Variants in ARHGAP29 observed in about 807,000 individuals in gnomAD.
ARHGAP29 encodes rho GTPase-activating protein 29.
ARHGAP29 carries 43 observed loss-of-function variants against 122.6 expected under a neutral mutation model. That is an observed-to-expected ratio of 0.35 (90% CI 0.27 to 0.45). ARHGAP29 has a LOEUF of 0.45. Among genes scored for constraint, ARHGAP29 ranks in the 20% least tolerant of loss-of-function variants. The pLI is 1.00. For synonymous variants in ARHGAP29, 506 were observed against 497.1 expected (o/e 1.02, Z -0.24); for missense variants, 1,303 against 1,477.2 (o/e 0.88, Z 1.93).
At chr1:94,277,447 C>T (rs1232758953), upstream of ARHGAP29, among the ~76,000 whole-genome samples, 2 of 152,160 alleles carry the variant, frequency 1.3e-5, no homozygotes, top group Admixed American at 1.3e-4. Context: ...TTCCACATTA[C>T]TGCTCAAGGT....
intron 1 of ARHGAP29, 79 bp from the exon 2 acceptor site, chr1:94,231,722 T>C (rs973755037): frequency 2.8e-6 from 3 of 1,064,490 alleles, no homozygotes; most frequent in Non-Finnish European, 4.1e-6. Context: ...CAGGGAAATA[T>C]TACACTAGAT....
chr1:94,192,295 C>A (rs1650174913), intron 12 of ARHGAP29: 1 of 152,148 alleles, frequency 6.6e-6, no homozygotes, highest in Non-Finnish European at 1.5e-5. Flanking sequence ...CAAGGTATGA[C>A]CTATCCAGTG....
intron 1 of ARHGAP29, among the ~76,000 whole-genome samples, chr1:94,264,472 C>T (rs1384108195): frequency 6.7e-6 from 1 of 150,278 alleles, no homozygotes; most frequent in African/African-American, 2.5e-5. Context: ...ACCTAAGACA[C>T]AGATGCTTTG....
At chr1:94,207,765 T>C (rs980255592) in intron 5 of ARHGAP29, among the ~76,000 whole-genome samples, 3 of 152,190 alleles carry the variant, frequency 2.0e-5, no homozygotes, top group African/African-American at 7.2e-5. Context: ...TTTTATTTTA[T>C]ATAATTTTAA....
upstream of ARHGAP29, among the ~76,000 whole-genome samples, chr1:94,239,289 CCCTCAA>C (rs935112469): frequency 2.0e-5 from 3 of 152,118 alleles, no homozygotes; most frequent in African/African-American, 7.2e-5. Flanking sequence ...TTGAGGAAGT[CCCTCAA>C]CCTCAAACAC....
At chr1:94,240,167 G>A (rs1653523475), upstream of ARHGAP29, among the ~76,000 whole-genome samples, 1 of 152,148 alleles carries the variant, frequency 6.6e-6, no homozygotes, top group Non-Finnish European at 1.5e-5. Flanking sequence ...CAACTACTGT[G>A]CATAGGATCT....
chr1:94,278,430 G>A (rs1324945328), upstream of ARHGAP29, among the ~76,000 whole-genome samples: 1 of 152,128 alleles, frequency 6.6e-6, no homozygotes. Context: ...CTTACACAAA[G>A]CCATCAGACT....
At chr1:94,281,071 C>T in the ARHGAP29 span, among the ~76,000 whole-genome samples, 163 of 152,284 alleles carry the variant, frequency 1.1e-3, no homozygotes, top group African/African-American at 3.9e-3. Context: ...TAAGTGACAA[C>T]TGTGTTCTGT....
intron 2 of ARHGAP29, among the ~76,000 whole-genome samples, chr1:94,230,715 T>TCC (rs1404045157): frequency 1.3e-5 from 2 of 151,878 alleles, no homozygotes; most frequent in African/African-American, 4.8e-5. Flanking sequence ...AACTGCCATT[T>TCC]ATCATAGAAG....
At chr1:94,273,965 G>A (rs1402212462) in intron 1 of ARHGAP29, among the ~76,000 whole-genome samples, 1 of 152,028 alleles carries the variant, frequency 6.6e-6, no homozygotes, top group Non-Finnish European at 1.5e-5. Context: ...ACAGTTAATA[G>A]TTACTGAACA....
intron 20 of ARHGAP29, among the ~76,000 whole-genome samples, 177 bp from the exon 21 acceptor site, chr1:94,178,344 A>G (rs1649242796): frequency 6.6e-6 from 1 of 152,178 alleles, no homozygotes. Context: ...TGCCAAATAG[A>G]GTTTCACAGT....
the ARHGAP29 span, chr1:94,302,384 C>G: frequency 2.9e-6 from 1 of 346,716 alleles, no homozygotes; most frequent in Admixed American, 3.6e-5. Flanking sequence ...GTCATTACCT[C>G]TGCCCCCTCT....
Position 94,209,361 on chromosome 1 carries a change from A to AAGTTGGTTACAAT in ARHGAP29, c.341-24_341-12dup. 1 of 1,578,902 alleles carries AAGTTGGTTACAAT rather than the reference A, an allele frequency of 6.3e-7. No homozygotes were observed. Among genetic ancestry groups the AAGTTGGTTACAAT allele is most frequent in the Non-Finnish European group, 8.6e-7 (1 of 1,162,854 alleles). On this transcript the variant is annotated splice_polypyrimidine_tract_variant and intron_variant, in intron 3 of 22. Transcript: ENST00000260526. ...CTGTGAAGTTCACAGCTGTAAGGAA[A>AAGTTGGTTACAAT]AGTTGGTTACAATAAGGAAAAACAT... is the stretch of plus-strand genomic sequence containing the variant.
At chr1:94,183,472 A>G (rs936510686) in intron 19 of ARHGAP29, among the ~76,000 whole-genome samples, 9 of 152,012 alleles carry the variant, frequency 5.9e-5, no homozygotes, top group African/African-American at 2.2e-4. Context: ...CTACTCCTGC[A>G]AACTACAGGT....
chr1:94,174,839 T>C (rs987534767), intron 22 of ARHGAP29, 90 bp from the exon 23 acceptor site: 2 of 1,359,184 alleles, frequency 1.5e-6, no homozygotes, highest in East Asian at 2.3e-5. Context: ...ATCAAGACAA[T>C]ATGAGTCTTA....
rs1687948 is a variant in ARHGAP29 at position 94,246,095 on chromosome 1, T to G, written c.-32-14452A>C. Among the ~76,000 whole-genome samples, 19 of 152,358 alleles carry G rather than the reference T, an allele frequency of 1.2e-4. 1 individual carries two copies. The highest frequency in any genetic ancestry group is 4.3e-4 in the African/African-American group (18 of 41,576). On this transcript the variant is annotated intron_variant and NMD_transcript_variant, in intron 1 of 25. Coordinates refer to the ARHGAP29 transcript ENST00000552844. Reference sequence around the variant, plus strand: ...GGGACTAAAACATTTTCTACTCAGGTCTATTCTATTTTCTTCAAGTTCACT... The same window carrying G: ...GGGACTAAAACATTTTCTACTCAGGGCTATTCTATTTTCTTCAAGTTCACT...
chr1:94,195,492 G>C (rs1477856314), intron 12 of ARHGAP29: 1 of 152,018 alleles, frequency 6.6e-6, no homozygotes, highest in South Asian at 2.1e-4. Context: ...TTTAAAAAAG[G>C]TATATGAAGA....
rs1652211786 is a variant in ARHGAP29 at position 94,220,259 on chromosome 1, T to C, written c.339A>G (p.Lys113=). ...CCACTTTTACTATATCTTCCTTACC[T>C]TTCACTTTTGCAGTGAGCATTTCTG... ...NAAEMLTAKV[K]AVNFTEVNEE... The change falls in exon 3 of 23, where the codon AAA becomes AAG. Residue 113 remains lysine (K), a splice_region_variant and synonymous_variant. Transcript: ENST00000260526. 2 of 1,613,100 alleles carry C rather than the reference T, an allele frequency of 1.2e-6. No individual in the cohort carries two copies. The highest frequency in any genetic ancestry group is 2.2e-5 in the East Asian group (1 of 44,800).
chr1:94,205,727 C>T (rs1167288126), intron 5 of ARHGAP29, 44 bp from the exon 6 acceptor site: 4 of 1,566,266 alleles, frequency 2.6e-6, no homozygotes, highest in African/African-American at 2.7e-5. Flanking sequence ...GAGAAGAACA[C>T]AAATCTTTGC....
Sources: allele counts gnomAD v4.1 joint callset (sites outside exome capture counted in the v4.1 genomes callset), GRCh38; gene constraint gnomAD v4.1.1; transcripts MANE v1.5; gene names NCBI Gene and HGNC (gene_info 2026-07-23, HGNC 2026-07-21).